Variants in NRG1 observed in about 807,000 individuals in gnomAD.
The protein encoded by NRG1 is neuregulin 1, also known as pro-neuregulin-1, membrane-bound isoform.
A neutral mutation model predicts 63.8 loss-of-function variants in NRG1; 18 were observed. The observed-to-expected ratio is 0.28, with a 90% CI of 0.19 to 0.42. The LOEUF (loss-of-function observed/expected upper bound fraction) is 0.42, where lower values mean the gene tolerates loss of function less well. Ranked by LOEUF, NRG1 falls within the 10% of genes least tolerant of loss-of-function variation. The pLI is 1.00. For synonymous variants in NRG1, 302 were observed against 301.3 expected (o/e 1.00, Z -0.02); for missense variants, 762 against 814.7 (o/e 0.94, Z 0.79).
chr8:31,677,538 T>C (rs920400014), intron 1 of NRG1, among the ~76,000 whole-genome samples: 1 of 152,062 alleles, frequency 6.6e-6, no homozygotes, highest in Non-Finnish European at 1.5e-5. Flanking sequence ...TCTGGGAATT[T>C]GAGGCTGCAG....
In NRG1 at chr8:32,181,860, A is replaced by G. The variant is rs111424679; in HGVS notation, c.38-413968A>G. The stretch of plus-strand genomic sequence containing the variant: ...AACTGAAAAAAAAACTGGCAATGGA[A>G]TATTAGTTGTTTACAAGGCAAGTAT... On this transcript the variant is annotated intron_variant, in intron 1 of 10. Coordinates refer to the NRG1 transcript ENST00000519301. Among the ~76,000 whole-genome samples, 731 of 152,356 alleles carry G rather than the reference A, an allele frequency of 4.8e-3. 13 individuals carry two copies. The highest frequency in any genetic ancestry group is 0.017 in the African/African-American group (701 of 41,586).
intron 1 of NRG1, among the ~76,000 whole-genome samples, chr8:31,690,135 TCTC>T (rs1227147301): frequency 1.3e-5 from 2 of 152,178 alleles, no homozygotes; most frequent in Non-Finnish European, 2.9e-5. Context: ...ACTCCACACT[TCTC>T]CTTCCTGCTG....
intron 1 of NRG1, among the ~76,000 whole-genome samples, chr8:31,809,278 A>C (rs1219341211): frequency 2.0e-5 from 3 of 148,410 alleles, no homozygotes; most frequent in African/African-American, 4.9e-5. Flanking sequence ...CTCAGGGGAA[A>C]TTTCAGTCTA....
At chr8:32,526,942 A>C (rs2129513720) in intron 1 of NRG1, among the ~76,000 whole-genome samples, 1 of 152,244 alleles carries the variant, frequency 6.6e-6, no homozygotes, top group Non-Finnish European at 1.5e-5. Flanking sequence ...ATTGTACCTA[A>C]GAAATCTAGT....
chr8:32,337,682 A>AAAAAAAAT (rs1554511693), intron 1 of NRG1, among the ~76,000 whole-genome samples: 3 of 116,632 alleles, frequency 2.6e-5, no homozygotes, highest in Non-Finnish European at 5.7e-5. Context: ...AAAAAAAAAA[A>AAAAAAAAT]GCTGATGCAG....
At chr8:31,970,456 G>A (rs1418683395) in intron 1 of NRG1, among the ~76,000 whole-genome samples, 1 of 152,128 alleles carries the variant, frequency 6.6e-6, no homozygotes, top group South Asian at 2.1e-4. Flanking sequence ...AGGATAGATG[G>A]GAGAAGCAGT....
chr8:32,229,056 C>T (rs897327255), intron 1 of NRG1, among the ~76,000 whole-genome samples: 9 of 152,206 alleles, frequency 5.9e-5, no homozygotes, highest in African/African-American at 2.2e-4. Context: ...ATAAAAAAAG[C>T]CTTCCTAAAG....
intron 1 of NRG1, among the ~76,000 whole-genome samples, chr8:32,322,687 G>T (rs1435481033): frequency 6.6e-6 from 1 of 151,834 alleles, no homozygotes; most frequent in Non-Finnish European, 1.5e-5. Flanking sequence ...CCAGCCCTGG[G>T]GTAGCTCAGG....
At chr8:32,446,674 A>C (rs1000646256) in intron 1 of NRG1, among the ~76,000 whole-genome samples, 1 of 149,674 alleles carries the variant, frequency 6.7e-6, no homozygotes, top group Non-Finnish European at 1.5e-5. Context: ...AAAAAAAGGA[A>C]GATTGATTTC....
At chr8:31,841,524 AT>A (rs1468507609) in intron 1 of NRG1, among the ~76,000 whole-genome samples, 2 of 152,192 alleles carry the variant, frequency 1.3e-5, no homozygotes, top group Non-Finnish European at 2.9e-5. Flanking sequence ...TTAGTGGGCT[AT>A]TTAAAGTGTG....
chr8:31,920,876 ATAGATAGG>A (rs1320766959), intron 1 of NRG1, among the ~76,000 whole-genome samples: 6 of 133,512 alleles, frequency 4.5e-5, no homozygotes, highest in African/African-American at 1.8e-4. Flanking sequence ...AGATAGATAG[ATAGATAGG>A]TAGATAGATA....
chr8:32,450,925 C>T (rs563528241), intron 1 of NRG1, among the ~76,000 whole-genome samples: 1 of 152,126 alleles, frequency 6.6e-6, no homozygotes, highest in East Asian at 1.9e-4. Flanking sequence ...GGAAGCTTCC[C>T]AGAACCATTT....
chr8:32,068,248 C>T (rs1825192457), intron 1 of NRG1, among the ~76,000 whole-genome samples: 1 of 152,252 alleles, frequency 6.6e-6, no homozygotes, highest in South Asian at 2.1e-4. Flanking sequence ...TTTGTTTCTA[C>T]TGTAAGAACA....
At chr8:31,729,917 G>A (rs1813845333) in intron 1 of NRG1, among the ~76,000 whole-genome samples, 1 of 152,118 alleles carries the variant, frequency 6.6e-6, no homozygotes, top group African/African-American at 2.4e-5. Context: ...TCCTGGAGGA[G>A]CCCAATTCTT....
chr8:31,788,971 A>G (rs1161813531), intron 1 of NRG1, among the ~76,000 whole-genome samples: 2 of 152,222 alleles, frequency 1.3e-5, no homozygotes, highest in Admixed American at 6.5e-5. Flanking sequence ...ATGATGTTTT[A>G]GAGAACTGCC....
At chr8:32,182,420 T>C (rs1288233634) in intron 1 of NRG1, among the ~76,000 whole-genome samples, 1 of 152,190 alleles carries the variant, frequency 6.6e-6, no homozygotes, top group Non-Finnish European at 1.5e-5. Flanking sequence ...CTAATTTTTG[T>C]ATTTTTAGTA....
chr8:32,251,406 C>T (rs566313633), intron 1 of NRG1, among the ~76,000 whole-genome samples: 13 of 152,062 alleles, frequency 8.5e-5, no homozygotes, highest in East Asian at 3.9e-4. Flanking sequence ...TTTATGGTTG[C>T]GTAGTATTTT....
At chr8:31,877,049 T>A (rs897709647) in intron 1 of NRG1, among the ~76,000 whole-genome samples, 1 of 152,124 alleles carries the variant, frequency 6.6e-6, no homozygotes, top group African/African-American at 2.4e-5. Context: ...CCAAATCACA[T>A]AAAGAAATCT....
intron 1 of NRG1, among the ~76,000 whole-genome samples, chr8:32,246,236 A>G (rs553346086): frequency 1.3e-5 from 2 of 152,334 alleles, no homozygotes; most frequent in African/African-American, 4.8e-5. Context: ...AGTTAGTTTA[A>G]GAGAAAATAG....
Sources: allele counts gnomAD v4.1 joint callset (sites outside exome capture counted in the v4.1 genomes callset), GRCh38; gene constraint gnomAD v4.1.1; transcripts MANE v1.5; gene names NCBI Gene and HGNC (gene_info 2026-07-23, HGNC 2026-07-21).